COG5: variants seen among roughly 807,000 people sequenced by gnomAD.
The protein encoded by COG5 is component of oligomeric golgi complex 5, also known as conserved oligomeric Golgi complex subunit 5.
COG5 carries 86 observed loss-of-function variants against 110.4 expected under a neutral mutation model. That is an observed-to-expected ratio of 0.78 (90% CI 0.65 to 0.93). COG5 has a LOEUF of 0.93. COG5 is among the 40% of genes least tolerant of loss of function. The pLI is 0.00. For missense variants in COG5, 1,077 were observed against 987.0 expected (o/e 1.09, Z -1.22); for synonymous variants, 360 against 334.6 (o/e 1.08, Z -0.83).
intron 6 of COG5, chr7:107,480,950 C>A (rs761540952): frequency 1.3e-5 from 2 of 152,132 alleles, no homozygotes; most frequent in African/African-American, 4.8e-5. Flanking sequence ...AATAATCCTA[C>A]GTGTCTCTCC....
At chr7:107,373,117 T>C (rs1814329159) in intron 7 of COG5, among the ~76,000 whole-genome samples, 1 of 152,178 alleles carries the variant, frequency 6.6e-6, no homozygotes. Flanking sequence ...TTGTTATTTC[T>C]ACATTTGTTT....
chr7:107,325,504 A>G (rs1809685939), intron 10 of COG5, among the ~76,000 whole-genome samples: 1 of 152,158 alleles, frequency 6.6e-6, no homozygotes. Context: ...TACAAAAATT[A>G]GCCAGGTGTG....
chr7:107,379,015 C>A (rs1221238960), intron 7 of COG5, among the ~76,000 whole-genome samples: 1 of 152,096 alleles, frequency 6.6e-6, no homozygotes, highest in East Asian at 1.9e-4. Flanking sequence ...TAAGGGCAGC[C>A]AGAGAGAAAG....
intron 6 of COG5, among the ~76,000 whole-genome samples, chr7:107,502,494 G>C (rs1006104567): frequency 5.3e-5 from 8 of 152,114 alleles, no homozygotes; most frequent in African/African-American, 1.9e-4. Context: ...GTGTGCACGT[G>C]TCTTTTTCAT....
At chr7:107,363,493 A>G (rs1037928960) in intron 8 of COG5, among the ~76,000 whole-genome samples, 2 of 152,250 alleles carry the variant, frequency 1.3e-5, no homozygotes, top group African/African-American at 4.8e-5. Flanking sequence ...ATTCATGAGT[A>G]CACAGTGAAA....
At chr7:107,354,973 T>G (rs577213736) in intron 10 of COG5, among the ~76,000 whole-genome samples, 1 of 152,212 alleles carries the variant, frequency 6.6e-6, no homozygotes, top group Non-Finnish European at 1.5e-5. Context: ...AGATTTGGCT[T>G]TCCAAATGCT....
At chr7:107,516,281 T>C (rs979446791) in intron 6 of COG5, among the ~76,000 whole-genome samples, 2 of 152,208 alleles carry the variant, frequency 1.3e-5, no homozygotes, top group Admixed American at 1.3e-4. Context: ...GGGTGAAGTG[T>C]CTGTTCAACT....
intron 7 of COG5, among the ~76,000 whole-genome samples, chr7:107,403,676 G>A (rs1038299598): frequency 1.3e-5 from 2 of 152,002 alleles, no homozygotes; most frequent in Non-Finnish European, 2.9e-5. Flanking sequence ...GAAGGAGAGG[G>A]GAAGGTAGAT....
At chr7:107,236,081 T>A (rs150535215) in intron 18 of COG5, among the ~76,000 whole-genome samples, 1 of 152,212 alleles carries the variant, frequency 6.6e-6, no homozygotes, top group Non-Finnish European at 1.5e-5. Flanking sequence ...TTTTCACTGT[T>A]TGAAATATGA....
intron 11 of COG5, among the ~76,000 whole-genome samples, chr7:107,310,904 A>G (rs537902533): frequency 1.3e-5 from 2 of 152,268 alleles, no homozygotes; most frequent in Admixed American, 6.5e-5. Context: ...TGGCATCAAT[A>G]AAAGTTCTCA....
chr7:107,355,620 G>A (rs972477124), intron 10 of COG5, among the ~76,000 whole-genome samples: 2 of 152,166 alleles, frequency 1.3e-5, no homozygotes, highest in African/African-American at 4.8e-5. Context: ...ACCAAAATAA[G>A]CCATTGAAGG....
At chr7:107,311,999 C>G (rs934125359) in intron 11 of COG5, among the ~76,000 whole-genome samples, 11 of 151,840 alleles carry the variant, frequency 7.2e-5, no homozygotes, top group Non-Finnish European at 1.3e-4. Context: ...TGGAATTTAC[C>G]CTGACATACA....
chr7:107,530,932 G>A (rs189363939), intron 5 of COG5, among the ~76,000 whole-genome samples: 1 of 152,112 alleles, frequency 6.6e-6, no homozygotes, highest in Admixed American at 6.5e-5. Flanking sequence ...CACAGATCAG[G>A]AGACAGGATC....
At chr7:107,503,074 T>C (rs1452310071) in intron 6 of COG5, among the ~76,000 whole-genome samples, 2 of 152,158 alleles carry the variant, frequency 1.3e-5, no homozygotes, top group Non-Finnish European at 2.9e-5. Flanking sequence ...GAATACTTTG[T>C]CTAGGCCAAT....
At chr7:107,423,343 A>G (rs1366502529) in intron 6 of COG5, among the ~76,000 whole-genome samples, 9 of 152,222 alleles carry the variant, frequency 5.9e-5, no homozygotes, top group Admixed American at 5.9e-4. Context: ...CCTCACAGAC[A>G]TATCATCGTG....
rs118117551 is a variant in COG5, at chr7:107,451,584, C to T, written c.539-38952G>A. ...CTGCCTTTCCTGCCTACTCTTCTACCTCCCTCCATCTCTTCTGCCTCTGCG... is the reference window on the plus strand; with the variant it reads ...CTGCCTTTCCTGCCTACTCTTCTACTTCCCTCCATCTCTTCTGCCTCTGCG... On this transcript the variant is annotated intron_variant, in intron 6 of 21. Coordinates refer to ENST00000297135, the MANE Select transcript of COG5 (RefSeq NM_006348.5). Among the ~76,000 whole-genome samples the T allele has an allele frequency of 1.8e-3, 272 of 152,088 alleles. 1 individual carries two copies. The highest frequency in any genetic ancestry group is 2.7e-3 in the Non-Finnish European group (183 of 67,986).
At chr7:107,433,660 C>A (rs538958917) in intron 6 of COG5, among the ~76,000 whole-genome samples, 9 of 152,104 alleles carry the variant, frequency 5.9e-5, no homozygotes, top group Admixed American at 5.2e-4. Context: ...CTTAGCTATA[C>A]GCAAAATTTA....
chr7:107,513,446 G>A (rs1486388460), intron 6 of COG5, among the ~76,000 whole-genome samples: 1 of 152,152 alleles, frequency 6.6e-6, no homozygotes, highest in East Asian at 1.9e-4. Flanking sequence ...TTACACTGTT[G>A]GTGGGACTGT....
chr7:107,528,349 A>G (rs1260415421), intron 5 of COG5, among the ~76,000 whole-genome samples: 3 of 152,152 alleles, frequency 2.0e-5, no homozygotes, highest in African/African-American at 7.2e-5. Context: ...TCAGACTCCC[A>G]AAGTGCTAGG....
Sources: allele counts gnomAD v4.1 joint callset (sites outside exome capture counted in the v4.1 genomes callset), GRCh38; gene constraint gnomAD v4.1.1; transcripts MANE v1.5; gene names NCBI Gene and HGNC (gene_info 2026-07-23, HGNC 2026-07-21).